HACD1: variants seen among roughly 807,000 people sequenced by gnomAD.
The protein encoded by HACD1 is very-long-chain (3R)-3-hydroxyacyl-CoA dehydratase 1.
HACD1 carries 41 observed loss-of-function variants against 32.0 expected under a neutral mutation model. The observed-to-expected ratio is 1.28, with a 90% CI of 1.00 to 1.66. The LOEUF (loss-of-function observed/expected upper bound fraction) is 1.66, where lower values mean the gene tolerates loss of function less well. HACD1 is among the 40% of genes most tolerant of loss of function. The pLI is 0.00. For missense variants in HACD1, 396 were observed against 380.1 expected (o/e 1.04, Z -0.35); for synonymous variants, 142 against 139.0 (o/e 1.02, Z -0.15).
chr10:17,594,381 T>C lies in HACD1; in HGVS notation c.608A>G (p.Tyr203Cys). 4 of 1,461,150 alleles carry C rather than the reference T, an allele frequency of 2.7e-6. No individual in the cohort carries two copies. The highest frequency in any genetic ancestry group is 3.6e-6 in the Non-Finnish European group (4 of 1,099,362). The allele number at this position is 1,461,150 out of a possible 1,614,324, so 90.5% of individuals were successfully genotyped here. The change falls in exon 6 of 7, where the codon TAT becomes TGT. Residue 203 changes from tyrosine to cysteine, a missense_variant and splice_region_variant. Tyr to Cys is a radical substitution (Grantham distance 194, BLOSUM62 -2). Coordinates refer to ENST00000361271, the MANE Select transcript of HACD1 (RefSeq NM_014241.4). ...HLPYFIKWAR[Y>C]NFFIILYPVG... ...AGGATATAAGATGATAAAAAAATTA[T>C]ATCTGGAGAAAGAAAAACCTCAGAG...
rs1554815810 is a variant in HACD1, at chr10:17,594,214, A to G, written c.775T>C (p.Tyr259His). The change falls in exon 6 of 7, where the codon TAT (tyrosine) becomes CAT (histidine). Residue 259 changes from tyrosine (Y) to histidine (H), a missense_variant. Tyr to His is a moderately conservative substitution (Grantham distance 83, BLOSUM62 2). Coordinates refer to ENST00000361271, the MANE Select transcript of HACD1 (RefSeq NM_014241.4). Reference protein sequence around the residue: ...YYFLLITMASYIPLFPQLYFH... With the variant: ...YYFLLITMASHIPLFPQLYFH... Reference sequence around the variant, plus strand: ...ATAAGTATATACTTACAAGGTATATATGATGCCATGGTTATAAGAAGAAAA... The same window carrying G: ...ATAAGTATATACTTACAAGGTATATGTGATGCCATGGTTATAAGAAGAAAA... The G allele has an allele frequency of 1.9e-6, 3 of 1,550,176 alleles. No individual in the cohort carries two copies. The highest frequency in any genetic ancestry group is 2.0e-5 in the Admixed American group (1 of 50,440).
chr10:17,613,846 T>G (rs1833027575), intron 1 of HACD1, among the ~76,000 whole-genome samples: 1 of 152,098 alleles, frequency 6.6e-6, no homozygotes, highest in Admixed American at 6.6e-5. Flanking sequence ...TATACAAAAG[T>G]GAAAAACCTG....
chr10:17,597,380 C>T (rs1271409308), intron 5 of HACD1, among the ~76,000 whole-genome samples: 1 of 152,170 alleles, frequency 6.6e-6, no homozygotes, highest in Non-Finnish European at 1.5e-5. Context: ...TCAAGTGATC[C>T]GCCCACCTTG....
chr10:17,593,909 A>G (rs1205857710), intron 6 of HACD1, among the ~76,000 whole-genome samples: 6 of 152,238 alleles, frequency 3.9e-5, no homozygotes, highest in Admixed American at 1.3e-4. Context: ...TGCTTTAAAC[A>G]TGATTTGTTT....
chr10:17,608,796 A>G (rs1834185229), intron 1 of HACD1, among the ~76,000 whole-genome samples: 1 of 152,126 alleles, frequency 6.6e-6, no homozygotes, highest in Admixed American at 6.6e-5. Context: ...CCATACTTTC[A>G]TATATTGTTC....
At chr10:17,612,972 T>G (rs1414805022) in intron 1 of HACD1, among the ~76,000 whole-genome samples, 1 of 151,282 alleles carries the variant, frequency 6.6e-6, no homozygotes, top group Non-Finnish European at 1.5e-5. Context: ...AGGTCAAATA[T>G]TCATATGAAA....
intron 6 of HACD1, among the ~76,000 whole-genome samples, chr10:17,593,696 G>T (rs534436421): frequency 6.6e-6 from 1 of 152,170 alleles, no homozygotes; most frequent in Non-Finnish European, 1.5e-5. Flanking sequence ...TTAGTGAAGA[G>T]GCTGACTTAT....
chr10:17,610,802 A>G (rs1206327877), intron 1 of HACD1, among the ~76,000 whole-genome samples: 1 of 152,130 alleles, frequency 6.6e-6, no homozygotes, highest in African/African-American at 2.4e-5. Flanking sequence ...AGATGAGAAA[A>G]CTAAGAGTCA....
chr10:17,604,663 C>T (rs1299328568), intron 1 of HACD1, among the ~76,000 whole-genome samples: 2 of 151,946 alleles, frequency 1.3e-5, no homozygotes, highest in Admixed American at 1.3e-4. Flanking sequence ...TAAAAAATTT[C>T]TTTTTTTGCA....
intron 5 of HACD1, among the ~76,000 whole-genome samples, chr10:17,595,279 G>A (rs1833982317): frequency 6.6e-6 from 1 of 152,178 alleles, no homozygotes; most frequent in Non-Finnish European, 1.5e-5. Flanking sequence ...AAAAAGACCA[G>A]TGATTATCCT....
chr10:17,594,905 C>T (rs1833976483), intron 5 of HACD1, among the ~76,000 whole-genome samples: 3 of 150,848 alleles, frequency 2.0e-5, no homozygotes, highest in Admixed American at 1.3e-4. Context: ...GTCGCCTAGA[C>T]TGGAGTGCAG....
intron 5 of HACD1, among the ~76,000 whole-genome samples, chr10:17,598,309 A>G (rs143632255): frequency 6.6e-6 from 1 of 151,580 alleles, no homozygotes; most frequent in Non-Finnish European, 1.5e-5. Flanking sequence ...CACAATTAAC[A>G]GTGGTTATCC....
At position 17,617,193 on chromosome 10, in the gene HACD1, G is replaced by T. The variant is rs1554818253; in HGVS notation, c.147C>A (p.Asn49Lys). ...CCTCGCCGGCCTCCGAGGCGCCGCC[G>T]TTGGTGCCGTCCTCGTCGCTGGACG... ...TMASSDEDGT[N>K]GGASEAGEDR... The change falls in exon 1 of 7, where the codon AAC becomes AAA. Residue 49 changes from asparagine to lysine, a missense_variant. Physicochemically the swap from Asn to Lys is moderately conservative, Grantham distance 94. Transcript: ENST00000361271. The T allele has an allele frequency of 6.0e-6, 9 of 1,503,190 alleles. No individual in the cohort carries two copies. The highest frequency in any genetic ancestry group is 1.4e-5 in the African/African-American group (1 of 69,210). The allele number at this position is 1,503,190 out of a possible 1,614,324, so 93.1% of individuals were successfully genotyped here. A position where few individuals can be genotyped will look rare whatever the true frequency, so the allele number is the denominator to read the frequency against.
chr10:17,613,031 G>A (rs532705002), intron 1 of HACD1, among the ~76,000 whole-genome samples: 6 of 151,504 alleles, frequency 4.0e-5, no homozygotes, highest in African/African-American at 1.5e-4. Context: ...ATAACAAGCT[G>A]TATTTTACAT....
At chr10:17,600,104 C>T (rs1554816366) in intron 4 of HACD1, among the ~76,000 whole-genome samples, 1 of 152,166 alleles carries the variant, frequency 6.6e-6, no homozygotes, top group East Asian at 1.9e-4. Flanking sequence ...CTTCTACCTA[C>T]TTCTCTCTCT....
intron 1 of HACD1, among the ~76,000 whole-genome samples, chr10:17,611,586 A>G (rs2131521588): frequency 6.6e-6 from 1 of 152,378 alleles, no homozygotes; most frequent in African/African-American, 2.4e-5. Flanking sequence ...GCATTTATAT[A>G]TACGGGCACA....
chr10:17,594,186 C>T lies in HACD1; in HGVS notation c.784+19G>A, dbSNP rs1833964976. On this transcript the variant is annotated intron_variant, in intron 6 of 6. Coordinates refer to ENST00000361271, the MANE Select transcript of HACD1 (RefSeq NM_014241.4). Reference sequence around the variant, plus strand: ...CCACATCATATGTCAAATCAAAGTACTAATAAGTATATACTTACAAGGTAT... The same window carrying T: ...CCACATCATATGTCAAATCAAAGTATTAATAAGTATATACTTACAAGGTAT... The T allele has an allele frequency of 7.2e-7, 1 of 1,384,362 alleles. No individual in the cohort carries two copies. Among genetic ancestry groups the T allele is most frequent in the East Asian group, 2.5e-5 (1 of 40,130 alleles). 85.8% of individuals were successfully genotyped at this position (1,384,362 alleles called of 1,614,324 possible). A position where few individuals can be genotyped will look rare whatever the true frequency, so the allele number is the denominator to read the frequency against.
rs144686902 is a variant in HACD1, at chr10:17,606,400, C to T, written c.258-2353G>A. 6.0e-4 allele frequency among the ~76,000 whole-genome samples: 91 copies of T among 152,238 alleles called. No individual in the cohort carries two copies. In the East Asian group the frequency reaches 9.5e-3, roughly 16 times the overall value. ...AGTTTCCCCTGCAATTCCAAAAGCACGTTTAAGTTTAAGCAACTTACCTCA... is the reference window on the plus strand; with the variant it reads ...AGTTTCCCCTGCAATTCCAAAAGCATGTTTAAGTTTAAGCAACTTACCTCA... On this transcript the variant is annotated intron_variant, in intron 1 of 6. Transcript: ENST00000361271.
At chr10:17,614,875 C>A (rs12782578) in intron 1 of HACD1, among the ~76,000 whole-genome samples, 16,906 of 152,042 alleles carry the variant, frequency 0.11, 1,006 homozygotes, top group East Asian at 0.24. Context: ...GCCTCAGCCT[C>A]CGGAGTAGCT....
Sources: gnomAD v4.1 joint callset for allele counts (sites outside exome capture counted in the v4.1 genomes callset) on GRCh38, gnomAD v4.1.1 for gene constraint, MANE v1.5 for transcripts, NCBI Gene and HGNC (gene_info 2026-07-23, HGNC 2026-07-21) for gene names.